The following ICA1 variants were observed in gnomAD, a reference collection of about 807,000 sequenced individuals.
ICA1 encodes 69 kDa islet cell autoantigen.
ICA1 carries 40 observed loss-of-function variants against 71.0 expected under a neutral mutation model. The ratio of observed to expected loss-of-function variants is 0.56; its 90% CI spans 0.44 to 0.73. The LOEUF (loss-of-function observed/expected upper bound fraction) is 0.73. Among genes scored for constraint, ICA1 ranks in the 30% least tolerant of loss-of-function variants. The pLI, the probability that ICA1 is intolerant of heterozygous loss-of-function variation, is 0.00. For missense variants in ICA1, 578 were observed against 576.5 expected (o/e 1.00, Z -0.03); for synonymous variants, 207 against 209.5 (o/e 0.99, Z 0.10).
At chr7:8,143,847 A>G in intron 9 of ICA1, 28 bp downstream of exon 9, 4 of 1,420,212 alleles carry the variant, frequency 2.8e-6, no homozygotes, top group Non-Finnish European at 4.0e-6. Flanking sequence ...GGGAAGAAAG[A>G]TGCAGAGGGA....
intron 6 of ICA1, among the ~76,000 whole-genome samples, chr7:8,170,132 T>A (rs1222939272): frequency 1.3e-5 from 2 of 152,020 alleles, no homozygotes; most frequent in Non-Finnish European, 2.9e-5. Context: ...AAGCACCACT[T>A]CTTGAAAAAC....
chr7:8,122,296 G>A (rs1787298350), intron 13 of ICA1, among the ~76,000 whole-genome samples: 1 of 152,242 alleles, frequency 6.6e-6, no homozygotes, highest in South Asian at 2.1e-4. Flanking sequence ...TGAGGAGACA[G>A]TCGTGTCCTA....
At chr7:8,251,557 T>A (rs1277716376) in intron 1 of ICA1, among the ~76,000 whole-genome samples, 2 of 151,504 alleles carry the variant, frequency 1.3e-5, no homozygotes, top group East Asian at 3.9e-4. Flanking sequence ...AACATCCTTT[T>A]CAATGATTAA....
At position 8,237,750 on chromosome 7, in the gene ICA1, T is replaced by G. The variant is rs953852958; in HGVS notation, c.-79-1745A>C. The stretch of plus-strand genomic sequence containing the variant: ...TAATGCATTTAAGGTTCATCTGTGT[T>G]GTAGTATATGACAGGACTTCCTTTT... On this transcript the variant is annotated intron_variant, in intron 1 of 13. Transcript: ENST00000402384. 3.9e-5 allele frequency among the ~76,000 whole-genome samples: 6 copies of G among 152,222 alleles called. No homozygotes were observed. In the East Asian group the frequency reaches 9.6e-4, roughly 24 times the overall value.
chr7:8,235,144 A>G, intron 2 of ICA1, among the ~76,000 whole-genome samples: 1 of 152,080 alleles, frequency 6.6e-6, no homozygotes, highest in Non-Finnish European at 1.5e-5. Flanking sequence ...AGCCTGGGTG[A>G]CAGAGTGAGA....
chr7:8,117,130 G>GT (rs1249749899), intron 13 of ICA1, among the ~76,000 whole-genome samples: 5 of 152,188 alleles, frequency 3.3e-5, no homozygotes, highest in Non-Finnish European at 5.9e-5. Flanking sequence ...GGCTCCTTGT[G>GT]AAGAACATAC....
intron 9 of ICA1, among the ~76,000 whole-genome samples, chr7:8,142,430 A>G (rs1279451026): frequency 6.6e-6 from 1 of 152,264 alleles, no homozygotes; most frequent in African/African-American, 2.4e-5. Context: ...TTACTGGGTT[A>G]TACTTTGTGA....
intron 6 of ICA1, among the ~76,000 whole-genome samples, chr7:8,215,660 G>T (rs985208032): frequency 1.3e-5 from 2 of 152,204 alleles, no homozygotes; most frequent in African/African-American, 4.8e-5. Flanking sequence ...GGATACTAAG[G>T]AATCCAAATA....
At chr7:8,192,203 A>G (rs1785899239) in intron 6 of ICA1, among the ~76,000 whole-genome samples, 2 of 152,366 alleles carry the variant, frequency 1.3e-5, no homozygotes, top group South Asian at 4.1e-4. Context: ...TGTCCCAATA[A>G]TATCTTCTAT....
At position 8,157,226 on chromosome 7, in the gene ICA1, G is replaced by C. The variant is rs370494797; in HGVS notation, c.706-12C>G. 429 of 1,592,084 alleles carry C rather than the reference G, an allele frequency of 2.7e-4. No individual in the cohort carries two copies. Among genetic ancestry groups the C allele is most frequent in the Admixed American group, 4.0e-4 (22 of 55,662 alleles). Reference sequence around the variant, plus strand: ...TGAAGCAGAGTGGTCTGCAAAGAAAGACAGTAAAGCTATTAATGTTTTGAA... The same window carrying C: ...TGAAGCAGAGTGGTCTGCAAAGAAACACAGTAAAGCTATTAATGTTTTGAA... On this transcript the variant is annotated splice_polypyrimidine_tract_variant and intron_variant, in intron 7 of 13. Transcript: ENST00000402384.
chr7:8,144,601 T>C lies in ICA1; in HGVS notation c.805-629A>G, dbSNP rs1462038368. Among the ~76,000 whole-genome samples, 1 of 151,532 alleles carries C rather than the reference T, an allele frequency of 6.6e-6. No homozygotes were observed. The highest frequency in any genetic ancestry group is 1.5e-5 in the Non-Finnish European group (1 of 67,918). On this transcript the variant is annotated intron_variant, in intron 8 of 13. Coordinates refer to ENST00000402384, the MANE Select transcript of ICA1 (RefSeq NM_001136020.3). This position sits in a 1 kb window ranked among gnomAD's most constrained non-coding sequence, Gnocchi z 4.5. ...GAGTCTTCTTTTGGCACATCATTTG[T>C]TGGAGTTACTATTTTCAAGGTTAAC...
Position 8,222,342 on chromosome 7 carries a change from G to A in ICA1, c.257-944C>T, listed in dbSNP as rs1462350370. Among the ~76,000 whole-genome samples, 7 of 152,078 alleles carry A rather than the reference G, an allele frequency of 4.6e-5. No individual in the cohort carries two copies. In the East Asian group the frequency reaches 9.6e-4, roughly 21 times the overall value. ...CACCAGAGTGACACTTAGCTTCCTC[G>A]GATGTGCTTTCCCCCTAAACACAGC... On this transcript the variant is annotated intron_variant, in intron 4 of 13. Transcript: ENST00000402384. The surrounding 1 kb of genome is among the most constrained non-coding windows in gnomAD (Gnocchi z 4.8).
chr7:8,256,566 G>T (rs1810276182), intron 1 of ICA1, among the ~76,000 whole-genome samples: 1 of 152,132 alleles, frequency 6.6e-6, no homozygotes, highest in Non-Finnish European at 1.5e-5. Flanking sequence ...CCTCTTCAGT[G>T]AAGTATTCCC....
rs979926101 is a variant in ICA1 at position 8,130,520 on chromosome 7, A to G, written c.1061-2378T>C. ...GACTGGAATGCCCAAACCCTTTCTT[A>G]TAGTTTACTTTTTGCCCTGACTGAA... is the stretch of plus-strand genomic sequence containing the variant. On this transcript the variant is annotated intron_variant, in intron 12 of 13. Coordinates refer to ENST00000402384, the MANE Select transcript of ICA1 (RefSeq NM_001136020.3). The surrounding 1 kb of genome is among the most constrained non-coding windows in gnomAD (Gnocchi z 4.2). 6.6e-5 allele frequency among the ~76,000 whole-genome samples: 10 copies of G among 152,218 alleles called. No individual in the cohort carries two copies. Among genetic ancestry groups the G allele is most frequent in the African/African-American group, 2.4e-4 (10 of 41,452 alleles).
In ICA1 at chr7:8,143,069, G is replaced by A. The variant is rs115383033; in HGVS notation, c.902+806C>T. 4.3e-3 allele frequency among the ~76,000 whole-genome samples: 661 copies of A among 152,290 alleles called. 3 individuals carry two copies. Among genetic ancestry groups the A allele is most frequent in the African/African-American group, 0.015 (627 of 41,572 alleles). On this transcript the variant is annotated intron_variant, in intron 9 of 13. Coordinates refer to ENST00000402384, the MANE Select transcript of ICA1 (RefSeq NM_001136020.3). ...AGACTGTCATCTAAATTTTTTTTGT[G>A]TGTGGAAAAGGAGTAGAGAATAGAA...
At chr7:8,150,078 T>C (rs996402570) in intron 8 of ICA1, among the ~76,000 whole-genome samples, 1 of 152,192 alleles carries the variant, frequency 6.6e-6, no homozygotes, top group Non-Finnish European at 1.5e-5. Flanking sequence ...ATCACAATCA[T>C]AAACAAGATA....
intron 1 of ICA1, among the ~76,000 whole-genome samples, chr7:8,249,187 C>G (rs1000229011): frequency 6.6e-6 from 1 of 152,254 alleles, no homozygotes; most frequent in Non-Finnish European, 1.5e-5. Flanking sequence ...TTGAGGGGCA[C>G]AGAACAGAGG....
intron 8 of ICA1, among the ~76,000 whole-genome samples, chr7:8,146,364 T>A (rs934623228): frequency 1.3e-5 from 2 of 152,160 alleles, no homozygotes; most frequent in African/African-American, 4.8e-5. Flanking sequence ...TAGCTTGGTT[T>A]GTCTGAGGAA....
Position 8,238,905 on chromosome 7 carries a change from C to T in ICA1, c.-79-2900G>A, listed in dbSNP as rs139598833. Reference sequence around the variant, plus strand: ...CACTCCTTTCCTAGTGAAATAGCATCTCTGAGAATGATTCTGGGAATCTAG... The same window carrying T: ...CACTCCTTTCCTAGTGAAATAGCATTTCTGAGAATGATTCTGGGAATCTAG... On this transcript the variant is annotated intron_variant, in intron 1 of 13. Coordinates refer to ENST00000402384, the MANE Select transcript of ICA1 (RefSeq NM_001136020.3). 3.1e-4 allele frequency among the ~76,000 whole-genome samples: 47 copies of T among 152,290 alleles called. No homozygotes were observed. The East Asian group carries it at 7.7e-3, about 25-fold the overall frequency.
Sources: gnomAD v4.1 joint callset for allele counts (sites outside exome capture counted in the v4.1 genomes callset) on GRCh38, gnomAD v4.1.1 for gene constraint, Gnocchi (gnomAD v3.1) non-coding constraint, MANE v1.5 for transcripts, NCBI Gene and HGNC (gene_info 2026-07-23, HGNC 2026-07-21) for gene names.